Variants in SDR42E1 observed in about 807,000 individuals in gnomAD.
The protein encoded by SDR42E1 is short-chain dehydrogenase/reductase family 42E member 1.
A neutral mutation model predicts 2.6 loss-of-function variants in SDR42E1; 5 were observed. The ratio of observed to expected loss-of-function variants is 1.94; its 90% confidence interval spans 1.01 to 4.08. SDR42E1 has a LOEUF of 4.08. Ranked by LOEUF, SDR42E1 falls within the 30% of genes most tolerant of loss-of-function variation. The probability of loss-of-function intolerance (pLI) is 0.00; values close to 1 mark genes in which losing one functional copy is unlikely to be tolerated. For synonymous variants in SDR42E1, 231 were observed against 188.3 expected (o/e 1.23, Z -1.86); for missense variants, 596 against 478.6 (o/e 1.25, Z -2.29).
At position 81,994,906 on chromosome 16, in the gene SDR42E1, A is replaced by G. The variant is rs1912506717; in HGVS notation, c.*4205T>C. 6.6e-6 allele frequency: 1 copy of G among 152,190 alleles called. No homozygotes were observed. Among genetic ancestry groups the G allele is most frequent in the African/African-American group, 2.4e-5 (1 of 41,446 alleles). 9.4% of individuals were successfully genotyped at this position (152,190 alleles called of 1,614,324 possible). A position where few individuals can be genotyped will look rare whatever the true frequency, so the allele number is the denominator to read the frequency against. The stretch of plus-strand genomic sequence containing the variant: ...TTTCTTGAAAAGAATCCCTAGGCCT[A>G]TTCCCTAGGTTTGAGAAACACCACA... On this transcript the variant is annotated 3_prime_UTR_variant, in exon 3 of 3. Transcript: ENST00000328945.
intron 1 of SDR42E1, among the ~76,000 whole-genome samples, chr16:82,003,268 A>T (rs1393767071): frequency 6.6e-6 from 1 of 152,220 alleles, no homozygotes; most frequent in Non-Finnish European, 1.5e-5. Context: ...GCACTCCCTC[A>T]ATGCACCTAA....
rs1912564874 is a variant in SDR42E1, at chr16:81,997,308, C to T, written c.*1803G>A. The stretch of plus-strand genomic sequence containing the variant: ...AAAGGAAGGATGACTCACATCGGGC[C>T]AAGAGCTCAGCCTCCAAGATCGCCT... On this transcript the variant is annotated 3_prime_UTR_variant, in exon 3 of 3. Transcript: ENST00000328945. 6.6e-6 allele frequency: 1 copy of T among 152,176 alleles called. No homozygotes were observed. The highest frequency in any genetic ancestry group is 2.4e-5 in the African/African-American group (1 of 41,436). The allele number at this position is 152,176 out of a possible 1,614,324, so 9.4% of individuals were successfully genotyped here.
intron 1 of SDR42E1, among the ~76,000 whole-genome samples, chr16:82,006,385 C>G (rs1367010345): frequency 6.6e-6 from 1 of 152,132 alleles, no homozygotes. Context: ...CATGCATGAT[C>G]TGAAAATTAT....
In SDR42E1 at chr16:82,000,090, AAG is replaced by A. The variant is rs757320810; in HGVS notation, c.201_202del (p.Phe68ProfsTer70). 6.8e-6 allele frequency: 11 copies of A among 1,614,226 alleles called. No homozygotes were observed. The East Asian group carries it at 2.0e-4, about 29-fold the overall frequency. On this transcript the variant is annotated frameshift_variant, in exon 3 of 3. Transcript: ENST00000328945. LOFTEE classifies it low-confidence loss of function (END_TRUNC). ...CACACAAGTGACGTCTGCATCCTGGAAGGCTTTCTCTACGTCAGACAGGTGGC... is the reference window on the plus strand; with the variant it reads ...CACACAAGTGACGTCTGCATCCTGGAGCTTTCTCTACGTCAGACAGGTGGC...
At position 82,000,336 on chromosome 16, in the gene SDR42E1, C is replaced by T. The variant is rs1451703845; in HGVS notation, c.69-112G>A. 4.5e-6 allele frequency: 6 copies of T among 1,326,436 alleles called. No individual in the cohort carries two copies. The Admixed American group carries it at 8.5e-5, about 19-fold the overall frequency. 82.2% of individuals were successfully genotyped at this position (1,326,436 alleles called of 1,614,324 possible). A position where few individuals can be genotyped will look rare whatever the true frequency, so the allele number is the denominator to read the frequency against. ...GGGGCTGATCCAAGTCTTCTTGGCT[C>T]ATCCTGAGCCCCTCACTATGCATGT... On this transcript the variant is annotated intron_variant, in intron 2 of 2. Coordinates refer to ENST00000328945, the MANE Select transcript of SDR42E1 (RefSeq NM_145168.3).
chr16:81,991,160 C>G lies in SDR42E1; in HGVS notation c.*7951G>C, dbSNP rs1001794710. The G allele has an allele frequency of 1.3e-5, 2 of 152,164 alleles. No homozygotes were observed. Among genetic ancestry groups the G allele is most frequent in the African/African-American group, 2.4e-5 (1 of 41,426 alleles). 9.4% of individuals were successfully genotyped at this position (152,164 alleles called of 1,614,324 possible). A position where few individuals can be genotyped will look rare whatever the true frequency, so the allele number is the denominator to read the frequency against. ...ATGTCCTCTGGGCTATTAAGTATGG[C>G]TCTAACATCCATGCTCCTCACAAAA... On this transcript the variant is annotated 3_prime_UTR_variant, in exon 3 of 3. Transcript: ENST00000328945.
At position 81,990,707 on chromosome 16, in the gene SDR42E1, A is replaced by G. The variant is rs993671270; in HGVS notation, c.*8404T>C. 3.3e-5 allele frequency: 5 copies of G among 152,230 alleles called. No individual in the cohort carries two copies. The highest frequency in any genetic ancestry group is 1.2e-4 in the African/African-American group (5 of 41,468). The allele number at this position is 152,230 out of a possible 1,614,324, so 9.4% of individuals were successfully genotyped here. The stretch of plus-strand genomic sequence containing the variant: ...CTCAAAGTCACATTGCAAATAAGAG[A>G]TGGCTCCAGGACAGGCATAAGGAAG... On this transcript the variant is annotated 3_prime_UTR_variant, in exon 3 of 3. Transcript: ENST00000328945.
At chr16:82,006,528 C>A (rs191303255) in intron 1 of SDR42E1, among the ~76,000 whole-genome samples, 2 of 152,344 alleles carry the variant, frequency 1.3e-5, no homozygotes, top group Admixed American at 1.3e-4. Flanking sequence ...TGCAGTGGCT[C>A]ACGCCTGTAA....
rs961823419 is a variant in SDR42E1, at chr16:81,997,154, C to G, written c.*1957G>C. The G allele has an allele frequency of 6.6e-6, 1 of 152,150 alleles. No individual in the cohort carries two copies. Among genetic ancestry groups the G allele is most frequent in the African/African-American group, 2.4e-5 (1 of 41,402 alleles). 9.4% of individuals were successfully genotyped at this position (152,150 alleles called of 1,614,324 possible). On this transcript the variant is annotated 3_prime_UTR_variant, in exon 3 of 3. Coordinates refer to ENST00000328945, the MANE Select transcript of SDR42E1 (RefSeq NM_145168.3). ...GCATTCAAAATAATGTTCCCAGTAC[C>G]ACTGCCAGCTTGAATGGAAAGGGAT... is the stretch of plus-strand genomic sequence containing the variant.
intron 1 of SDR42E1, among the ~76,000 whole-genome samples, chr16:82,008,194 C>A (rs1041675178): frequency 6.6e-6 from 1 of 152,212 alleles, no homozygotes; most frequent in African/African-American, 2.4e-5. Context: ...TCCCCAGCCA[C>A]GTGGAACTGT....
intron 1 of SDR42E1, among the ~76,000 whole-genome samples, chr16:82,005,868 T>G (rs963456528): frequency 6.6e-6 from 1 of 152,084 alleles, no homozygotes; most frequent in African/African-American, 2.4e-5. Context: ...AAAAAAAAAT[T>G]AAATTTAAAA....
chr16:82,005,436 C>T (rs1567566108), intron 1 of SDR42E1, among the ~76,000 whole-genome samples: 1 of 152,178 alleles, frequency 6.6e-6, no homozygotes, highest in Admixed American at 6.5e-5. Flanking sequence ...GGATGGTAGC[C>T]ATCTGCTGCA....
intron 1 of SDR42E1, among the ~76,000 whole-genome samples, chr16:82,010,467 C>G (rs1913089913): frequency 6.6e-6 from 1 of 152,074 alleles, no homozygotes; most frequent in Admixed American, 6.5e-5. Context: ...CTTGGGGTCC[C>G]AAGATCACTA....
Position 81,990,436 on chromosome 16 carries a change from TAG to T in SDR42E1, c.*8673_*8674del, listed in dbSNP as rs1912401141. 6.6e-6 allele frequency: 1 copy of T among 152,224 alleles called. No homozygotes were observed. Among genetic ancestry groups the T allele is most frequent in the Admixed American group, 6.5e-5 (1 of 15,284 alleles). The allele number at this position is 152,224 out of a possible 1,614,324, so 9.4% of individuals were successfully genotyped here. Reference sequence around the variant, plus strand: ...CAAACTACAGTCTTATGTTGCTAATTAGTTACTGAACATTCCATTTGAACGTC... The same window carrying T: ...CAAACTACAGTCTTATGTTGCTAATTTTACTGAACATTCCATTTGAACGTC... On this transcript the variant is annotated 3_prime_UTR_variant, in exon 3 of 3. Coordinates refer to ENST00000328945, the MANE Select transcript of SDR42E1 (RefSeq NM_145168.3).
Position 81,998,872 on chromosome 16 carries a change from A to T in SDR42E1, c.*239T>A. 1.8e-6 allele frequency: 1 copy of T among 544,682 alleles called. No individual in the cohort carries two copies. Among genetic ancestry groups the T allele is most frequent in the Non-Finnish European group, 3.2e-6 (1 of 310,180 alleles). 33.7% of individuals were successfully genotyped at this position (544,682 alleles called of 1,614,324 possible). A position where few individuals can be genotyped will look rare whatever the true frequency, so the allele number is the denominator to read the frequency against. ...CTCCAAACTGACTTCTATTGTACCC[A>T]CCTAAAACAGAAGCACATAACAAAT... On this transcript the variant is annotated 3_prime_UTR_variant, in exon 3 of 3. Coordinates refer to ENST00000328945, the MANE Select transcript of SDR42E1 (RefSeq NM_145168.3).
At position 81,996,523 on chromosome 16, in the gene SDR42E1, T is replaced by A. The variant is rs1186513113; in HGVS notation, c.*2588A>T. 1 of 152,138 alleles carries A rather than the reference T, an allele frequency of 6.6e-6. No individual in the cohort carries two copies. The highest frequency in any genetic ancestry group is 2.4e-5 in the African/African-American group (1 of 41,408). 9.4% of individuals were successfully genotyped at this position (152,138 alleles called of 1,614,324 possible). On this transcript the variant is annotated 3_prime_UTR_variant, in exon 3 of 3. Coordinates refer to ENST00000328945, the MANE Select transcript of SDR42E1 (RefSeq NM_145168.3). ...AGAGGATTATGAATTCCACTTTGGC[T>A]ACACTGGCTGACAGGTGCATGTGGG... is the stretch of plus-strand genomic sequence containing the variant.
At chr16:82,006,138 C>G (rs772979451) in intron 1 of SDR42E1, among the ~76,000 whole-genome samples, 1 of 152,232 alleles carries the variant, frequency 6.6e-6, no homozygotes, top group Middle Eastern at 3.4e-3. Flanking sequence ...ATTAGCATTT[C>G]ACCAATAGAA....
intron 1 of SDR42E1, among the ~76,000 whole-genome samples, chr16:82,002,875 A>G (rs562846118): frequency 6.6e-6 from 1 of 152,224 alleles, no homozygotes; most frequent in Non-Finnish European, 1.5e-5. Context: ...CACTCCACAG[A>G]TGTCATTCCT....
chr16:81,997,423 A>C lies in SDR42E1; in HGVS notation c.*1688T>G, dbSNP rs539563792. The C allele has an allele frequency of 3.3e-5, 5 of 152,270 alleles. No individual in the cohort carries two copies. In the East Asian group the frequency reaches 9.7e-4, roughly 29 times the overall value. The allele number at this position is 152,270 out of a possible 1,614,324, so 9.4% of individuals were successfully genotyped here. On this transcript the variant is annotated 3_prime_UTR_variant, in exon 3 of 3. Coordinates refer to ENST00000328945, the MANE Select transcript of SDR42E1 (RefSeq NM_145168.3). ...TAGGATTGACCTGCATAACCAATAT[A>C]CTGTGGAATGACACTGTGACATTTG...
Sources: allele counts gnomAD v4.1 joint callset (sites outside exome capture counted in the v4.1 genomes callset), GRCh38; gene constraint gnomAD v4.1.1; transcripts MANE v1.5; gene names NCBI Gene and HGNC (gene_info 2026-07-23, HGNC 2026-07-21).